FHL2: variants seen among roughly 807,000 people sequenced by gnomAD.
FHL2 encodes the protein four and a half LIM domains protein 2.
In FHL2, 20 loss-of-function variants were observed where a neutral mutation model predicts 32.7. That is an observed-to-expected ratio of 0.61 (90% CI 0.43 to 0.89). The LOEUF (loss-of-function observed/expected upper bound fraction) is 0.89. FHL2 is among the 40% of genes least tolerant of loss of function. FHL2 has a pLI of 0.00. For synonymous variants in FHL2, 123 were observed against 128.1 expected, an observed-to-expected ratio of 0.96 and a Z score of 0.27; for missense variants, 311 against 358.6, an observed-to-expected ratio of 0.87 and a Z score of 1.07.
At chr2:105,371,553 T>A (rs897406594) in intron 4 of FHL2, among the ~76,000 whole-genome samples, 24 of 129,346 alleles carry the variant, frequency 1.9e-4, no homozygotes, top group African/African-American at 7.0e-4. Context: ...GAAATCTCTC[T>A]CTCTCTCTCT....
chr2:105,432,175 C>A (rs1017756487), intron 1 of FHL2, among the ~76,000 whole-genome samples: 6 of 152,174 alleles, frequency 3.9e-5, no homozygotes, highest in African/African-American at 1.4e-4. Flanking sequence ...CTTATTTCTC[C>A]CCTCACTTGG....
intron 1 of FHL2, among the ~76,000 whole-genome samples, chr2:105,432,680 G>T (rs181199093): frequency 1.3e-5 from 2 of 150,320 alleles, no homozygotes; most frequent in African/African-American, 4.9e-5. Context: ...ACAGACACAC[G>T]CAGAGACATG....
At chr2:105,419,898 C>A (rs1684047906) in intron 1 of FHL2, among the ~76,000 whole-genome samples, 1 of 152,180 alleles carries the variant, frequency 6.6e-6, no homozygotes, top group South Asian at 2.1e-4. Flanking sequence ...GTTTTATTTT[C>A]CTCCCCTATA....
At chr2:105,376,627 A>G (rs113574413) in intron 3 of FHL2, 1 of 152,382 alleles carries the variant, frequency 6.6e-6, no homozygotes, top group African/African-American at 2.4e-5. Flanking sequence ...TATTAAAAGT[A>G]GAATTACCAT....
chr2:105,426,662 A>G (rs746413140), intron 1 of FHL2, among the ~76,000 whole-genome samples: 5 of 152,202 alleles, frequency 3.3e-5, no homozygotes, highest in Non-Finnish European at 5.9e-5. Context: ...ACCCCGAAAC[A>G]ATGCAGAAGG....
intron 2 of FHL2, 88 bp downstream of exon 2, chr2:105,396,559 A>G: frequency 8.3e-7 from 1 of 1,203,448 alleles, no homozygotes; most frequent in Non-Finnish European, 1.2e-6. Flanking sequence ...CGCATGGCCC[A>G]GTCAAGTTGA....
intron 2 of FHL2, among the ~76,000 whole-genome samples, chr2:105,395,375 G>A (rs1573367582): frequency 6.6e-6 from 1 of 152,114 alleles, no homozygotes; most frequent in Non-Finnish European, 1.5e-5. Context: ...CCTACAAAAC[G>A]AAAACCACCC....
intron 1 of FHL2, among the ~76,000 whole-genome samples, chr2:105,398,385 T>G (rs1175233013): frequency 2.0e-5 from 3 of 152,214 alleles, no homozygotes; most frequent in Non-Finnish European, 4.4e-5. Context: ...GAGGTCACAC[T>G]GCAAACTCCA....
chr2:105,373,453 C>G, intron 4 of FHL2, 106 bp downstream of exon 4: 1 of 1,250,310 alleles, frequency 8.0e-7, no homozygotes, highest in Non-Finnish European at 1.2e-6. Flanking sequence ...ACTGGAAAGT[C>G]AACACGAGTG....
At chr2:105,433,647 A>C (rs115433623) in intron 1 of FHL2, among the ~76,000 whole-genome samples, 3,033 of 152,160 alleles carry the variant, frequency 0.02, 101 homozygotes, top group African/African-American at 0.07. Flanking sequence ...CCTGTAAACA[A>C]GGAAACCAGG....
chr2:105,382,698 T>C (rs1681985218), intron 3 of FHL2, among the ~76,000 whole-genome samples: 2 of 152,142 alleles, frequency 1.3e-5, no homozygotes, highest in African/African-American at 2.4e-5. Context: ...TTATTATTTT[T>C]TTTTTCTCTT....
At chr2:105,378,805 TTG>T (rs1259091380) in intron 3 of FHL2, 1 of 152,382 alleles carries the variant, frequency 6.6e-6, no homozygotes, top group African/African-American at 2.4e-5. Flanking sequence ...TTCTTAAGTT[TTG>T]TGGTGTACAA....
At chr2:105,372,440 TG>T (rs1377773031) in intron 4 of FHL2, among the ~76,000 whole-genome samples, 2 of 152,158 alleles carry the variant, frequency 1.3e-5, no homozygotes, top group Non-Finnish European at 2.9e-5. Context: ...TTAGCCTGGC[TG>T]GTCTCAAACT....
downstream of FHL2, chr2:105,359,183 A>G (rs1396212408): frequency 2.7e-5 from 4 of 149,048 alleles, no homozygotes; most frequent in Middle Eastern, 3.5e-3. Flanking sequence ...GCTATTTACT[A>G]GAAGTGGAAT....
Position 105,365,251 on chromosome 2 carries a change from G to T in FHL2, c.502-1780C>A, listed in dbSNP as rs542840047. On this transcript the variant is annotated intron_variant, in intron 5 of 6. Coordinates refer to ENST00000530340, the MANE Select transcript of FHL2 (RefSeq NM_001318895.3). ...GCACACTGCTCAGTAACTACTGACG[G>T]GTTTGACACTGGAGTGTACTTCCAC... is the stretch of plus-strand genomic sequence containing the variant. Among the ~76,000 whole-genome samples, 12 of 152,294 alleles carry T rather than the reference G, an allele frequency of 7.9e-5. No homozygotes were observed. The East Asian group carries it at 2.3e-3, about 29-fold the overall frequency.
chr2:105,384,036 A>G (rs1682110835), intron 3 of FHL2, among the ~76,000 whole-genome samples: 2 of 152,186 alleles, frequency 1.3e-5, no homozygotes, highest in African/African-American at 4.8e-5. Context: ...GCGTGGAAGG[A>G]TGACGGCTTT....
chr2:105,429,649 C>T (rs1684368664), intron 1 of FHL2, among the ~76,000 whole-genome samples: 1 of 152,134 alleles, frequency 6.6e-6, no homozygotes, highest in African/African-American at 2.4e-5. Context: ...AGACTTCTGA[C>T]CTCCAAAAAT....
At chr2:105,432,871 G>A (rs1684480218) in intron 1 of FHL2, among the ~76,000 whole-genome samples, 1 of 152,210 alleles carries the variant, frequency 6.6e-6, no homozygotes, top group African/African-American at 2.4e-5. Context: ...TGAAAGGTAG[G>A]GAGTGAATAT....
intron 1 of FHL2, among the ~76,000 whole-genome samples, chr2:105,418,155 C>CCATTTATACATATAT (rs1348479807): frequency 6.6e-6 from 1 of 152,158 alleles, no homozygotes; most frequent in Non-Finnish European, 1.5e-5. Flanking sequence ...GATTCAGACA[C>CCATTTATACATATAT]AGTCTGTATA....
Sources: allele counts gnomAD v4.1 joint callset (sites outside exome capture counted in the v4.1 genomes callset), GRCh38; gene constraint gnomAD v4.1.1; transcripts MANE v1.5; gene names NCBI Gene and HGNC (gene_info 2026-07-23, HGNC 2026-07-21).